Variants in ADGRB3 observed in about 807,000 individuals in gnomAD.
ADGRB3 encodes the protein brain-specific angiogenesis inhibitor 3.
Under a neutral mutation model 193.4 loss-of-function variants are expected in ADGRB3, and 37 were observed. The observed-to-expected ratio is 0.19, with a 90% CI of 0.15 to 0.25. The LOEUF (loss-of-function observed/expected upper bound fraction) is 0.25, where lower values mean the gene tolerates loss of function less well. Among genes scored for constraint, ADGRB3 ranks in the 10% least tolerant of loss-of-function variants. The pLI, the probability that ADGRB3 is intolerant of heterozygous loss-of-function variation, is 1.00. For synonymous variants in ADGRB3, 690 were observed against 644.2 expected (o/e 1.07, Z -1.08); for missense variants, 1,637 against 1,852.9 (o/e 0.88, Z 2.14).
chr6:69,261,313 T>G (rs923825271), intron 20 of ADGRB3, among the ~76,000 whole-genome samples: 1 of 152,090 alleles, frequency 6.6e-6, no homozygotes, highest in African/African-American at 2.4e-5. Context: ...TGCAAGAGAT[T>G]TGTAGGTTTT....
intron 13 of ADGRB3, among the ~76,000 whole-genome samples, chr6:69,040,365 CTTTCTTTCTTTCCT>C (rs765306045): frequency 0.095 from 6,554 of 68,826 alleles, 320 homozygotes; most frequent in Middle Eastern, 0.12. Context: ...TTCTTTCTTT[CTTTCTTTCTTTCCT>C]TCTCTCTCTT....
intron 3 of ADGRB3, among the ~76,000 whole-genome samples, chr6:68,929,712 A>G (rs1767285076): frequency 6.6e-6 from 1 of 152,152 alleles, no homozygotes; most frequent in South Asian, 2.1e-4. Context: ...TCACAGTTCA[A>G]TAAGCACAGA....
At position 69,060,250 on chromosome 6, in the gene ADGRB3, C is replaced by CT. The variant is rs370197043; in HGVS notation, c.2334-2684_2334-2683insT. 2.0e-3 allele frequency among the ~76,000 whole-genome samples: 278 copies of CT among 138,328 alleles called. 1 individual carries two copies. Among genetic ancestry groups the CT allele is most frequent in the Non-Finnish European group, 1.4e-3 (88 of 61,956 alleles). The allele number at this position is 138,328 out of a possible 152,430, so 90.7% of individuals were successfully genotyped here. Reference sequence around the variant, plus strand: ...TCTCTCTCTCTCTCTCTCTCTCTCTCCTCCTCTGTCTCTCCTTCTCTCTCA... The same window carrying CT: ...TCTCTCTCTCTCTCTCTCTCTCTCTCTCTCCTCTGTCTCTCCTTCTCTCTCA... On this transcript the variant is annotated intron_variant, in intron 15 of 31. Coordinates refer to ENST00000370598, the MANE Select transcript of ADGRB3 (RefSeq NM_001704.3).
At chr6:69,161,690 G>A (rs1484060073) in intron 17 of ADGRB3, among the ~76,000 whole-genome samples, 2 of 152,086 alleles carry the variant, frequency 1.3e-5, no homozygotes, top group Non-Finnish European at 2.9e-5. Context: ...GTCAGCTAGG[G>A]ATATGGTCTC....
intron 20 of ADGRB3, among the ~76,000 whole-genome samples, chr6:69,277,923 G>A (rs1259408612): frequency 1.3e-5 from 2 of 152,098 alleles, no homozygotes; most frequent in Non-Finnish European, 2.9e-5. Flanking sequence ...CTGGCACATG[G>A]TAAGAACTTA....
At chr6:68,940,616 C>T (rs1252859265) in intron 5 of ADGRB3, among the ~76,000 whole-genome samples, 1 of 117,220 alleles carries the variant, frequency 8.5e-6, no homozygotes, top group Non-Finnish European at 1.7e-5. Flanking sequence ...AAAATAAAAC[C>T]TAGCCGGGTG....
chr6:69,093,722 G>C (rs1468649432), intron 17 of ADGRB3, among the ~76,000 whole-genome samples: 1 of 151,818 alleles, frequency 6.6e-6, no homozygotes, highest in African/African-American at 2.4e-5. Flanking sequence ...TAGGTGAGCA[G>C]CCTAGGTTCA....
intron 3 of ADGRB3, among the ~76,000 whole-genome samples, chr6:68,889,012 T>G (rs556525429): frequency 4.6e-5 from 7 of 152,352 alleles, no homozygotes; most frequent in African/African-American, 1.4e-4. Context: ...ATGTATTTGC[T>G]TTCAGACATA....
chr6:68,873,171 A>G (rs2150220786), intron 3 of ADGRB3, among the ~76,000 whole-genome samples: 1 of 152,276 alleles, frequency 6.6e-6, no homozygotes, highest in South Asian at 2.1e-4. Flanking sequence ...AGAGTTTGCA[A>G]TTACTAAAAT....
intron 3 of ADGRB3, among the ~76,000 whole-genome samples, chr6:68,902,661 G>T (rs553238819): frequency 7.2e-5 from 11 of 151,938 alleles, no homozygotes; most frequent in South Asian, 4.2e-4. Context: ...GCCTTATAGG[G>T]ACTATAACTA....
intron 20 of ADGRB3, among the ~76,000 whole-genome samples, chr6:69,253,310 T>TA (rs1348584037): frequency 6.6e-6 from 1 of 152,134 alleles, no homozygotes; most frequent in East Asian, 1.9e-4. Context: ...GGTATTCAAA[T>TA]ACGTTTTAGA....
chr6:68,744,063 G>T (rs112960658), intron 3 of ADGRB3, among the ~76,000 whole-genome samples: 1,802 of 152,146 alleles, frequency 0.012, 43 homozygotes, highest in African/African-American at 0.039. Flanking sequence ...ATGGGTAAAA[G>T]GTTTGTACAT....
intron 17 of ADGRB3, among the ~76,000 whole-genome samples, chr6:69,166,107 A>G (rs1421738798): frequency 2.0e-5 from 3 of 152,144 alleles, no homozygotes; most frequent in Non-Finnish European, 4.4e-5. Flanking sequence ...CAAGGCAGGT[A>G]TTACTTCCCA....
intron 13 of ADGRB3, among the ~76,000 whole-genome samples, chr6:69,046,952 G>A (rs1430713812): frequency 2.0e-5 from 3 of 152,092 alleles, no homozygotes; most frequent in Non-Finnish European, 4.4e-5. Flanking sequence ...CCACCTCCCG[G>A]GTTCACACCA....
At chr6:69,249,070 C>T (rs1034618995) in intron 20 of ADGRB3, among the ~76,000 whole-genome samples, 2 of 152,136 alleles carry the variant, frequency 1.3e-5, no homozygotes, top group East Asian at 1.9e-4. Context: ...CTCCGCCTCC[C>T]GGGTTCAAGC....
At chr6:69,095,930 A>G (rs535064942) in intron 17 of ADGRB3, among the ~76,000 whole-genome samples, 2 of 152,280 alleles carry the variant, frequency 1.3e-5, no homozygotes, top group South Asian at 4.1e-4. Flanking sequence ...CTTTGATAAT[A>G]TTGTATAGGT....
intron 20 of ADGRB3, among the ~76,000 whole-genome samples, chr6:69,324,616 A>G (rs1265297915): frequency 6.6e-6 from 1 of 152,200 alleles, no homozygotes; most frequent in Non-Finnish European, 1.5e-5. Context: ...CTTGAGTTCA[A>G]ATTTACATTC....
chr6:68,822,836 C>G (rs1262241668), intron 3 of ADGRB3, among the ~76,000 whole-genome samples: 1 of 151,938 alleles, frequency 6.6e-6, no homozygotes, highest in Non-Finnish European at 1.5e-5. Flanking sequence ...ATGTTAGTGG[C>G]AATTTCCAAA....
At chr6:69,207,004 A>G (rs1039995959) in intron 17 of ADGRB3, among the ~76,000 whole-genome samples, 4 of 152,218 alleles carry the variant, frequency 2.6e-5, no homozygotes, top group African/African-American at 7.2e-5. Flanking sequence ...TATTCCATGC[A>G]TACTCTTCCT....
Sources: gnomAD v4.1 joint callset for allele counts (sites outside exome capture counted in the v4.1 genomes callset) on GRCh38, gnomAD v4.1.1 for gene constraint, MANE v1.5 for transcripts, NCBI Gene and HGNC (gene_info 2026-07-23, HGNC 2026-07-21) for gene names.